STAU2: variants seen among roughly 807,000 people sequenced by gnomAD.
The protein encoded by STAU2 is double-stranded RNA-binding protein Staufen homolog 2.
STAU2 carries 20 observed loss-of-function variants against 65.9 expected under a neutral mutation model. The observed-to-expected ratio is 0.30, with a 90% CI of 0.21 to 0.44. STAU2 has a LOEUF of 0.44. Among genes scored for constraint, STAU2 ranks in the 20% least tolerant of loss-of-function variants. STAU2 has a pLI of 1.00. For synonymous variants in STAU2, 232 were observed against 233.9 expected (o/e 0.99, Z 0.07); for missense variants, 558 against 683.9 (o/e 0.82, Z 2.05).
intron 3 of STAU2, among the ~76,000 whole-genome samples, chr8:73,737,930 C>T (rs1476270150): frequency 1.3e-5 from 2 of 151,528 alleles, no homozygotes; most frequent in African/African-American, 4.8e-5. Flanking sequence ...ACAACTACTT[C>T]ACAAGATTTG....
chr8:73,726,163 C>T (rs1805608305), intron 3 of STAU2, among the ~76,000 whole-genome samples: 1 of 152,082 alleles, frequency 6.6e-6, no homozygotes, highest in Admixed American at 6.5e-5. Context: ...CTTATTCTAA[C>T]TGAAATAACT....
chr8:73,558,085 T>C (rs761894081), intron 12 of STAU2, among the ~76,000 whole-genome samples: 16 of 152,226 alleles, frequency 1.1e-4, no homozygotes, highest in Admixed American at 7.8e-4. Flanking sequence ...AGAATTTGAC[T>C]CCAGGCAGTC....
chr8:73,569,118 C>T (rs567194787), intron 12 of STAU2, among the ~76,000 whole-genome samples: 9 of 152,138 alleles, frequency 5.9e-5, no homozygotes, highest in South Asian at 2.1e-4. Flanking sequence ...CCTAATACTG[C>T]GCTTTTCCAA....
chr8:73,507,333 A>G (rs1355791653), intron 13 of STAU2, among the ~76,000 whole-genome samples: 1 of 152,134 alleles, frequency 6.6e-6, no homozygotes, highest in South Asian at 2.1e-4. Flanking sequence ...ATGCTGTATT[A>G]GCAGGCATGA....
intron 13 of STAU2, among the ~76,000 whole-genome samples, chr8:73,504,062 G>A (rs1821909074): frequency 6.6e-6 from 1 of 152,062 alleles, no homozygotes; most frequent in Admixed American, 6.6e-5. Flanking sequence ...CCTTAATAAA[G>A]AAAACCTTTG....
intron 6 of STAU2, among the ~76,000 whole-genome samples, chr8:73,668,059 C>A (rs537043699): frequency 6.6e-6 from 1 of 152,232 alleles, no homozygotes; most frequent in African/African-American, 2.4e-5. Flanking sequence ...TAAAGTATGT[C>A]CCTACCCCCA....
At chr8:73,498,698 G>A (rs1254545728) in intron 13 of STAU2, among the ~76,000 whole-genome samples, 1 of 151,752 alleles carries the variant, frequency 6.6e-6, no homozygotes, top group Non-Finnish European at 1.5e-5. Context: ...CAAGGGAATT[G>A]CTATTTGGGG....
intron 6 of STAU2, among the ~76,000 whole-genome samples, chr8:73,650,106 G>A (rs1815747452): frequency 6.6e-6 from 1 of 151,344 alleles, no homozygotes; most frequent in Non-Finnish European, 1.5e-5. Flanking sequence ...GATATGATGG[G>A]GATAACTGAA....
intron 13 of STAU2, among the ~76,000 whole-genome samples, chr8:73,466,922 C>T (rs1434618033): frequency 1.3e-5 from 2 of 152,248 alleles, no homozygotes; most frequent in Non-Finnish European, 2.9e-5. Context: ...CCAGGCCCAC[C>T]ATCCATTGTG....
chr8:73,600,862 G>A (rs899830914), intron 10 of STAU2, among the ~76,000 whole-genome samples: 2 of 152,062 alleles, frequency 1.3e-5, no homozygotes, highest in African/African-American at 4.8e-5. Context: ...TTTAATAATC[G>A]CATGGTTGAA....
chr8:73,744,352 A>G (rs2130798695), intron 1 of STAU2, among the ~76,000 whole-genome samples: 1 of 152,272 alleles, frequency 6.6e-6, no homozygotes, highest in East Asian at 1.9e-4. Context: ...TATGCAGTCT[A>G]AGAGAATTCA....
chr8:73,451,977 G>A (rs961988162), intron 13 of STAU2, among the ~76,000 whole-genome samples: 1 of 152,150 alleles, frequency 6.6e-6, no homozygotes, highest in African/African-American at 2.4e-5. Flanking sequence ...TTTGAAGGTT[G>A]GAAAACAAAT....
At chr8:73,503,562 CT>C (rs34906276) in intron 13 of STAU2, among the ~76,000 whole-genome samples, 3,865 of 146,408 alleles carry the variant, frequency 0.026, 101 homozygotes, top group African/African-American at 0.074. Flanking sequence ...TCCAACAGCA[CT>C]TTTTTTTTTT....
chr8:73,572,244 T>C (rs879732935), intron 12 of STAU2, among the ~76,000 whole-genome samples: 2 of 152,126 alleles, frequency 1.3e-5, no homozygotes, highest in Admixed American at 6.6e-5. Context: ...GCTCTGAAAT[T>C]GAGGCAATAA....
At chr8:73,556,951 C>A (rs1454322440) in intron 12 of STAU2, among the ~76,000 whole-genome samples, 2 of 152,122 alleles carry the variant, frequency 1.3e-5, no homozygotes, top group East Asian at 1.9e-4. Context: ...AAAAAAATTG[C>A]CAATTTGACA....
chr8:73,725,276 T>C (rs1280469639), intron 3 of STAU2, among the ~76,000 whole-genome samples: 1 of 152,254 alleles, frequency 6.6e-6, no homozygotes, highest in African/African-American at 2.4e-5. Flanking sequence ...ACCCATTTTA[T>C]ATCCTACATA....
At chr8:73,481,502 A>G (rs1056434991) in intron 13 of STAU2, among the ~76,000 whole-genome samples, 2 of 73,902 alleles carry the variant, frequency 2.7e-5, no homozygotes, top group Admixed American at 1.7e-4. Context: ...AAATAAGCCA[A>G]AAAAACAAAA....
intron 13 of STAU2, among the ~76,000 whole-genome samples, chr8:73,540,888 G>C (rs1038852766): frequency 6.6e-6 from 1 of 152,068 alleles, no homozygotes; most frequent in South Asian, 2.1e-4. Flanking sequence ...TTACCCACTG[G>C]AGGACGCAGA....
chr8:73,614,765 A>G (rs181901587), intron 8 of STAU2, among the ~76,000 whole-genome samples: 1 of 152,296 alleles, frequency 6.6e-6, no homozygotes, highest in African/African-American at 2.4e-5. Context: ...AAAAATCCCA[A>G]TAATTTTTTA....
Sources: allele counts gnomAD v4.1 joint callset (sites outside exome capture counted in the v4.1 genomes callset), GRCh38; gene constraint gnomAD v4.1.1; transcripts MANE v1.5; gene names NCBI Gene and HGNC (gene_info 2026-07-23, HGNC 2026-07-21).